AKAP19: variants seen among roughly 807,000 people sequenced by gnomAD.
AKAP19 encodes the protein A-kinase anchoring protein 19.
the AKAP19 span, among the ~76,000 whole-genome samples, chr2:189,887,759 A>T: frequency 6.6e-6 from 1 of 151,924 alleles, no homozygotes; most frequent in Non-Finnish European, 1.5e-5. Flanking sequence ...GGCCACATAA[A>T]TGTCTTCTTT....
chr2:190,161,342 C>G, the AKAP19 span, among the ~76,000 whole-genome samples: 1 of 152,028 alleles, frequency 6.6e-6, no homozygotes, highest in African/African-American at 2.4e-5. Flanking sequence ...TAGTTTATAC[C>G]AGCTTTTAAA....
At chr2:189,961,818 A>G in the AKAP19 span, among the ~76,000 whole-genome samples, 3 of 152,018 alleles carry the variant, frequency 2.0e-5, no homozygotes, top group Non-Finnish European at 2.9e-5. Context: ...AGGCTGAGGC[A>G]GGAGAATCAC....
chr2:189,954,799 C>T, the AKAP19 span, among the ~76,000 whole-genome samples: 1 of 152,194 alleles, frequency 6.6e-6, no homozygotes, highest in Non-Finnish European at 1.5e-5. Flanking sequence ...AAAATGATCT[C>T]TGCATCCTTG....
chr2:190,142,028 A>G, the AKAP19 span, among the ~76,000 whole-genome samples: 2 of 152,178 alleles, frequency 1.3e-5, no homozygotes, highest in African/African-American at 4.8e-5. Flanking sequence ...TCCCATGTGC[A>G]TATTCAAAAA....
the AKAP19 span, among the ~76,000 whole-genome samples, chr2:190,123,168 T>C: frequency 6.6e-6 from 1 of 152,168 alleles, no homozygotes; most frequent in African/African-American, 2.4e-5. Context: ...TTAATTGTTA[T>C]ATAACTTATT....
the AKAP19 span, among the ~76,000 whole-genome samples, chr2:190,186,531 C>T: frequency 2.9e-3 from 441 of 152,260 alleles, 7 homozygotes; most frequent in Admixed American, 6.5e-3. The surrounding 1 kb of genome is among the most constrained non-coding windows in gnomAD (Gnocchi z 5.5). Context: ...AGTGTTCTTT[C>T]GGTGACCTTC....
chr2:190,152,974 C>A, the AKAP19 span, among the ~76,000 whole-genome samples: 1 of 151,576 alleles, frequency 6.6e-6, no homozygotes, highest in Non-Finnish European at 1.5e-5. Flanking sequence ...CAGCTTACTG[C>A]AAGCTCCGCC....
the AKAP19 span, among the ~76,000 whole-genome samples, chr2:190,197,630 G>A: frequency 6.6e-6 from 1 of 152,208 alleles, no homozygotes. This position sits in a 1 kb window ranked among gnomAD's most constrained non-coding sequence, Gnocchi z 4.0. Context: ...CCCCCAGGTA[G>A]AATCCCACAA....
the AKAP19 span, among the ~76,000 whole-genome samples, chr2:190,148,032 TC>T: frequency 6.6e-6 from 1 of 152,180 alleles, no homozygotes; most frequent in Non-Finnish European, 1.5e-5. Context: ...GGCTAGGACT[TC>T]CAGTACTGTG....
the AKAP19 span, among the ~76,000 whole-genome samples, chr2:190,034,453 A>G: frequency 7.2e-6 from 1 of 138,486 alleles, no homozygotes; most frequent in Non-Finnish European, 1.5e-5. Context: ...GAAGTTCCTC[A>G]ATTTTATCCT....
chr2:190,106,415 G>A, the AKAP19 span, among the ~76,000 whole-genome samples: 1 of 152,118 alleles, frequency 6.6e-6, no homozygotes, highest in South Asian at 2.1e-4. Flanking sequence ...AACCATGTGG[G>A]CCATTATGTG....
the AKAP19 span, among the ~76,000 whole-genome samples, chr2:190,155,099 C>A: frequency 9.9e-5 from 15 of 152,282 alleles, no homozygotes; most frequent in Non-Finnish European, 1.8e-4. Context: ...TAGAGGGCTC[C>A]AACTTTCTCC....
the AKAP19 span, among the ~76,000 whole-genome samples, chr2:189,898,929 T>C: frequency 6.6e-6 from 1 of 152,216 alleles, no homozygotes; most frequent in Non-Finnish European, 1.5e-5. Flanking sequence ...AAGCACTTTA[T>C]AGTCTGACCT....
At chr2:190,054,730 C>T in the AKAP19 span, among the ~76,000 whole-genome samples, 1 of 152,132 alleles carries the variant, frequency 6.6e-6, no homozygotes, top group Non-Finnish European at 1.5e-5. Context: ...TGAAAAAATG[C>T]TCATCATCAC....
At chr2:189,991,228 G>C in the AKAP19 span, among the ~76,000 whole-genome samples, 1 of 152,226 alleles carries the variant, frequency 6.6e-6, no homozygotes, top group Admixed American at 6.5e-5. Flanking sequence ...GGAATTGCTG[G>C]ATCAAATGGT....
the AKAP19 span, chr2:190,056,412 C>G: frequency 6.6e-6 from 1 of 151,540 alleles, no homozygotes; most frequent in African/African-American, 2.4e-5. Context: ...TTGTAATTTT[C>G]CAAAGACAAA....
chr2:190,202,459 AAG>A, the AKAP19 span: 55 of 167,186 alleles, frequency 3.3e-4, no homozygotes, highest in African/African-American at 1.1e-3. Flanking sequence ...ATAAATGAAT[AAG>A]AGAGATGAAT....
At chr2:190,199,965 A>G in the AKAP19 span, 1 of 1,614,098 alleles carries the variant, frequency 6.2e-7, no homozygotes, top group Admixed American at 1.7e-5. Flanking sequence ...AGAGATGTCT[A>G]CCTAGGATGG....
the AKAP19 span, among the ~76,000 whole-genome samples, chr2:190,071,381 C>A: frequency 6.6e-6 from 1 of 152,092 alleles, no homozygotes; most frequent in Non-Finnish European, 1.5e-5. Context: ...TTTTACTGTA[C>A]CTTTTCTATA....
Sources: gnomAD v4.1 joint callset for allele counts (sites outside exome capture counted in the v4.1 genomes callset) on GRCh38, gnomAD v4.1.1 for gene constraint, Gnocchi (gnomAD v3.1) non-coding constraint, MANE v1.5 for transcripts, NCBI Gene and HGNC (gene_info 2026-07-23, HGNC 2026-07-21) for gene names.